The following ARHGEF33 variants were observed in gnomAD, a reference collection of about 807,000 sequenced individuals.
ARHGEF33 encodes Rho guanine nucleotide exchange factor 33.
Under a neutral mutation model 101.9 loss-of-function variants are expected in ARHGEF33, and 72 were observed. That is an observed-to-expected ratio of 0.71 (90% CI 0.58 to 0.86). The LOEUF (loss-of-function observed/expected upper bound fraction) is 0.86. ARHGEF33 is among the 40% of genes least tolerant of loss of function. The pLI, the probability that ARHGEF33 is intolerant of heterozygous loss-of-function variation, is 0.00. For missense variants in ARHGEF33, 1,169 were observed against 1,111.3 expected (o/e 1.05, Z -0.74); for synonymous variants, 499 against 442.5 (o/e 1.13, Z -1.60).
chr2:38,943,814 A>G (rs1192324815), intron 9 of ARHGEF33, 87 bp from the exon 10 acceptor site: 21 of 1,340,548 alleles, frequency 1.6e-5, no homozygotes, highest in Non-Finnish European at 2.1e-5. Context: ...TGCTTTCAAT[A>G]TCCTTTTATC....
intron 2 of ARHGEF33, among the ~76,000 whole-genome samples, chr2:38,898,899 G>A (rs1047367856): frequency 1.3e-5 from 2 of 152,066 alleles, no homozygotes; most frequent in South Asian, 2.1e-4. Context: ...GAATCATTTG[G>A]TCTTTGCCAA....
chr2:38,971,784 A>C (rs959793955), intron 17 of ARHGEF33: 1 of 717,160 alleles, frequency 1.4e-6, no homozygotes, highest in Non-Finnish European at 2.6e-6. Context: ...GGGAAGGTAC[A>C]ATTTGTGAGA....
chr2:38,891,671 C>T (rs957855651), intron 1 of ARHGEF33, among the ~76,000 whole-genome samples: 1 of 152,092 alleles, frequency 6.6e-6, no homozygotes, highest in African/African-American at 2.4e-5. Context: ...ATGTAAGAAT[C>T]TTTAAATTCA....
intron 2 of ARHGEF33, among the ~76,000 whole-genome samples, chr2:38,907,937 C>A (rs930086043): frequency 6.6e-6 from 1 of 151,090 alleles, no homozygotes; most frequent in East Asian, 1.9e-4. Context: ...TGACTCACTG[C>A]AGCCTTGACC....
chr2:38,939,705 C>T (rs1377259938), intron 9 of ARHGEF33, among the ~76,000 whole-genome samples: 3 of 152,180 alleles, frequency 2.0e-5, no homozygotes, highest in Non-Finnish European at 4.4e-5. Flanking sequence ...GGCTGGAGTG[C>T]AGTGGCATAA....
chr2:38,966,209 T>TTAACAATAA (rs1198390062), intron 17 of ARHGEF33, 64 bp downstream of exon 17: 1 of 1,517,652 alleles, frequency 6.6e-7, no homozygotes, highest in Non-Finnish European at 8.8e-7. Context: ...TCTTGAGGTT[T>TTAACAATAA]TAACAATAAT....
intron 2 of ARHGEF33, among the ~76,000 whole-genome samples, chr2:38,900,365 G>T (rs142888453): frequency 6.6e-6 from 1 of 152,284 alleles, no homozygotes; most frequent in Non-Finnish European, 1.5e-5. Flanking sequence ...CCCTGAAAAT[G>T]AGAAGTATTT....
rs1326089876 is a variant in ARHGEF33, at chr2:38,960,270, C to T, written c.1965C>T (p.Cys655=). ...CCTCCGAGTCCAGCCTGGACATCTG[C>T]TTCCTGCGGCCCGTCAGCTTCGCCA... ...PASSESSLDI[C]FLRPVSFAME... The change falls in exon 16 of 18, where the codon TGC becomes TGT. Residue 655 remains cysteine, a synonymous_variant. Transcript: ENST00000409978. 2.6e-6 allele frequency: 4 copies of T among 1,547,738 alleles called. No homozygotes were observed. Among genetic ancestry groups the T allele is most frequent in the Middle Eastern group, 1.7e-4 (1 of 5,956 alleles).
intron 8 of ARHGEF33, 106 bp from the exon 9 acceptor site, chr2:38,937,229 C>CAG: frequency 1.6e-6 from 1 of 631,446 alleles, no homozygotes; most frequent in Non-Finnish European, 2.8e-6. Flanking sequence ...CTCCTGACTT[C>CAG]GTGATCCGCC....
chr2:38,960,263 A>T lies in ARHGEF33; in HGVS notation c.1958A>T (p.Asp653Val). 1 of 1,547,866 alleles carries T rather than the reference A, an allele frequency of 6.5e-7. No homozygotes were observed. The highest frequency in any genetic ancestry group is 8.7e-7 in the Non-Finnish European group (1 of 1,146,186). Residue 653 changes from aspartate to valine, a missense_variant, in exon 16 of 18, where the codon GAC (aspartate) becomes GTC (valine). Coordinates refer to ENST00000409978, the MANE Select transcript of ARHGEF33 (RefSeq NM_001145451.5). ...CCTGCCTCCTCCGAGTCCAGCCTGG[A>T]CATCTGCTTCCTGCGGCCCGTCAGC... ...CSPASSESSL[D>V]ICFLRPVSFA...
At chr2:38,933,468 C>T (rs939491894) in intron 7 of ARHGEF33, among the ~76,000 whole-genome samples, 1 of 152,074 alleles carries the variant, frequency 6.6e-6, no homozygotes, top group African/African-American at 2.4e-5. Context: ...ACTGCAACCT[C>T]CACCTCCTGG....
In ARHGEF33 at chr2:38,960,544, C is replaced by G. The variant is rs1667901352; in HGVS notation, c.2239C>G (p.His747Asp). The change falls in exon 16 of 18, where the codon CAC becomes GAC. Residue 747 changes from histidine (H) to aspartate (D), a missense_variant. Coordinates refer to ENST00000409978, the MANE Select transcript of ARHGEF33 (RefSeq NM_001145451.5). Reference sequence around the variant, plus strand: ...CAAGGCCGAGCGCGCCGCGCAGGCGCACGGCCCGGCCGCCGCCGCCGTCGC... The same window carrying G: ...CAAGGCCGAGCGCGCCGCGCAGGCGGACGGCCCGGCCGCCGCCGCCGTCGC... ...PIKAERAAQA[H>D]GPAAAAVAAR... The G allele has an allele frequency of 1.4e-5, 18 of 1,262,198 alleles. No individual in the cohort carries two copies. The highest frequency in any genetic ancestry group is 1.8e-5 in the Non-Finnish European group (18 of 995,874). 78.2% of individuals were successfully genotyped at this position (1,262,198 alleles called of 1,614,324 possible). A position where few individuals can be genotyped will look rare whatever the true frequency, so the allele number is the denominator to read the frequency against.
chr2:38,902,581 C>G (rs1396547744), intron 2 of ARHGEF33, among the ~76,000 whole-genome samples: 3 of 152,168 alleles, frequency 2.0e-5, no homozygotes, highest in Non-Finnish European at 4.4e-5. Context: ...CCACTCTACA[C>G]TGATTCCTTA....
chr2:38,961,313 C>A (rs991630438), intron 16 of ARHGEF33, among the ~76,000 whole-genome samples: 8 of 152,122 alleles, frequency 5.3e-5, no homozygotes, highest in Non-Finnish European at 8.8e-5. Flanking sequence ...AAAATAGAAA[C>A]CTTCTTTGGC....
intron 14 of ARHGEF33, 71 bp downstream of exon 14, chr2:38,957,118 G>A (rs975714533): frequency 2.5e-5 from 37 of 1,510,200 alleles, no homozygotes; most frequent in Admixed American, 1.8e-4. Flanking sequence ...AAGTAACCAC[G>A]TTGTGTGTTA....
At chr2:38,924,251 T>C (rs953914169) in intron 4 of ARHGEF33, among the ~76,000 whole-genome samples, 13 of 152,150 alleles carry the variant, frequency 8.5e-5, no homozygotes, top group African/African-American at 3.1e-4. Flanking sequence ...TAATAATTAA[T>C]AATATTTAGT....
At chr2:38,927,389 A>G (rs1389310687) in intron 4 of ARHGEF33, among the ~76,000 whole-genome samples, 1 of 152,238 alleles carries the variant, frequency 6.6e-6, no homozygotes, top group East Asian at 1.9e-4. Context: ...TTTAGTTTTC[A>G]TTCCTTTAAA....
chr2:38,935,366 G>A (rs1458000816), intron 7 of ARHGEF33, among the ~76,000 whole-genome samples: 2 of 151,510 alleles, frequency 1.3e-5, no homozygotes, highest in African/African-American at 2.4e-5. Flanking sequence ...TTTTTTTGGG[G>A]GGAGGGGGTG....
At chr2:38,942,295 G>A (rs1201992630) in intron 9 of ARHGEF33, among the ~76,000 whole-genome samples, 1 of 150,544 alleles carries the variant, frequency 6.6e-6, no homozygotes, top group Non-Finnish European at 1.5e-5. Flanking sequence ...AGCCCCCTGA[G>A]TAGCTGGACG....
Sources: gnomAD v4.1 joint callset for allele counts (sites outside exome capture counted in the v4.1 genomes callset) on GRCh38, gnomAD v4.1.1 for gene constraint, MANE v1.5 for transcripts, NCBI Gene and HGNC (gene_info 2026-07-23, HGNC 2026-07-21) for gene names.